The following CD84 variants were observed in gnomAD, a reference collection of about 807,000 sequenced individuals.
The protein encoded by CD84 is SLAM family member 5.
CD84 carries 22 observed loss-of-function variants against 33.8 expected under a neutral mutation model. The ratio of observed to expected loss-of-function variants is 0.65; its 90% CI spans 0.46 to 0.93. The LOEUF is 0.93. Among genes scored for constraint, CD84 ranks in the 40% least tolerant of loss-of-function variants. The pLI is 0.00. For missense variants in CD84, 400 were observed against 397.6 expected, an observed-to-expected ratio of 1.01 and a Z score of -0.05; for synonymous variants, 154 against 145.2, an observed-to-expected ratio of 1.06 and a Z score of -0.44.
chr1:160,553,266 A>T, intron 4 of CD84, 112 bp downstream of exon 4: 14 of 1,575,236 alleles, frequency 8.9e-6, no homozygotes, highest in Non-Finnish European at 1.2e-5. Flanking sequence ...AGATCGGAAA[A>T]AGGCAGATTC....
At chr1:160,577,815 T>C (rs1453505739) in intron 1 of CD84, among the ~76,000 whole-genome samples, 2 of 152,194 alleles carry the variant, frequency 1.3e-5, no homozygotes, top group Non-Finnish European at 1.5e-5. Context: ...CCTCCCCATT[T>C]TGAAGCTGAA....
intron 1 of CD84, among the ~76,000 whole-genome samples, chr1:160,566,606 C>A (rs564876741): frequency 9.6e-4 from 146 of 152,192 alleles, no homozygotes; most frequent in Non-Finnish European, 1.8e-3. Flanking sequence ...GATACAACGG[C>A]GAGAAGAAAC....
chr1:160,571,477 T>C (rs1657687352), intron 1 of CD84: 1 of 152,128 alleles, frequency 6.6e-6, no homozygotes, highest in Non-Finnish European at 1.5e-5. Flanking sequence ...TACGAGGTTA[T>C]TGATGGCCTT....
At chr1:160,575,752 A>G (rs1657960476) in intron 1 of CD84, among the ~76,000 whole-genome samples, 1 of 152,126 alleles carries the variant, frequency 6.6e-6, no homozygotes, top group African/African-American at 2.4e-5. Flanking sequence ...CAAGACAAGA[A>G]AGGTTTGATT....
intron 1 of CD84, among the ~76,000 whole-genome samples, chr1:160,573,008 T>C (rs1173940541): frequency 6.6e-6 from 1 of 152,240 alleles, no homozygotes; most frequent in African/African-American, 2.4e-5. Flanking sequence ...CCTTTCTGTG[T>C]CTAAGATGAT....
At chr1:160,573,231 C>A (rs1657802506) in intron 1 of CD84, among the ~76,000 whole-genome samples, 1 of 152,126 alleles carries the variant, frequency 6.6e-6, no homozygotes, top group Admixed American at 6.5e-5. Context: ...GCTTTTAACT[C>A]ATGAGAGGAA....
At chr1:160,564,804 T>C (rs1218120271) in intron 2 of CD84, among the ~76,000 whole-genome samples, 1 of 152,156 alleles carries the variant, frequency 6.6e-6, no homozygotes, top group Non-Finnish European at 1.5e-5. Flanking sequence ...GAGGGAATCT[T>C]GTGATGGTTA....
intron 2 of CD84, among the ~76,000 whole-genome samples, chr1:160,555,677 C>A (rs576734078): frequency 1.3e-5 from 2 of 152,238 alleles, no homozygotes; most frequent in South Asian, 2.1e-4. Flanking sequence ...AGTTCAGCGC[C>A]CTCTCAGCAA....
intron 2 of CD84, among the ~76,000 whole-genome samples, chr1:160,558,977 T>A (rs1282187614): frequency 6.6e-6 from 1 of 150,912 alleles, no homozygotes; most frequent in Non-Finnish European, 1.5e-5. Flanking sequence ...ACATATGGAG[T>A]TATGTATAGA....
chr1:160,542,339 AT>A lies in CD84; in HGVS notation c.*5916del, dbSNP rs1258696880. ...CATAGTAGGCACTGGATAAATGTTAATTATTTTGATTATGGTGGATCATTAG... is the reference window on the plus strand; with the variant it reads ...CATAGTAGGCACTGGATAAATGTTAATATTTTGATTATGGTGGATCATTAG... On this transcript the variant is annotated 3_prime_UTR_variant, in exon 7 of 7. Coordinates refer to ENST00000368054, the MANE Select transcript of CD84 (RefSeq NM_003874.4). 3 of 152,230 alleles carry A rather than the reference AT, an allele frequency of 2.0e-5. No individual in the cohort carries two copies. Among genetic ancestry groups the A allele is most frequent in the South Asian group, 2.1e-4 (1 of 4,828 alleles). 9.4% of individuals were successfully genotyped at this position (152,230 alleles called of 1,614,324 possible).
chr1:160,556,350 G>A, intron 2 of CD84, among the ~76,000 whole-genome samples: 1 of 152,226 alleles, frequency 6.6e-6, no homozygotes, highest in East Asian at 1.9e-4. Flanking sequence ...AAGGTATACA[G>A]ATTCATGGAG....
chr1:160,547,987 T>C lies in CD84; in HGVS notation c.*269A>G. On this transcript the variant is annotated 3_prime_UTR_variant, in exon 7 of 7. Coordinates refer to ENST00000368054, the MANE Select transcript of CD84 (RefSeq NM_003874.4). The stretch of plus-strand genomic sequence containing the variant: ...TAAAAATATTATTTTCTACATGTGC[T>C]ATGATGGGAAGAAGTTTGGGAAAAC... The C allele has an allele frequency of 2.0e-6, 1 of 489,406 alleles. No individual in the cohort carries two copies. Among genetic ancestry groups the C allele is most frequent in the East Asian group, 3.7e-5 (1 of 26,680 alleles). 30.3% of individuals were successfully genotyped at this position (489,406 alleles called of 1,614,324 possible).
At chr1:160,569,890 G>C (rs551888446) in intron 1 of CD84, among the ~76,000 whole-genome samples, 2 of 152,274 alleles carry the variant, frequency 1.3e-5, no homozygotes. Context: ...GTTTAGATTT[G>C]AGACAGCCTT....
chr1:160,549,062 A>G (rs1377037058), intron 6 of CD84, among the ~76,000 whole-genome samples: 2 of 151,404 alleles, frequency 1.3e-5, no homozygotes, highest in African/African-American at 2.4e-5. Flanking sequence ...TCTCCTGATC[A>G]CTAAGAAAGT....
chr1:160,544,576 T>C lies in CD84; in HGVS notation c.*3680A>G, dbSNP rs1655715364. On this transcript the variant is annotated 3_prime_UTR_variant, in exon 7 of 7. Coordinates refer to ENST00000368054, the MANE Select transcript of CD84 (RefSeq NM_003874.4). ...TCTGGAAGAAAATATAGCCCAGCCA[T>C]TCCTTCTCTCCAGGCAGGACCTAAG... 6.6e-6 allele frequency: 1 copy of C among 152,130 alleles called. No individual in the cohort carries two copies. The highest frequency in any genetic ancestry group is 3.4e-3 in the Middle Eastern group (1 of 294). The allele number at this position is 152,130 out of a possible 1,614,324, so 9.4% of individuals were successfully genotyped here.
At position 160,541,428 on chromosome 1, in the gene CD84, A is replaced by T. The variant is rs1655535248; in HGVS notation, c.*6828T>A. ...GCACTCAGACAAAAAGCAACTTATT[A>T]GCCAGTTGGAGAGAGAGCTAAGAAA... On this transcript the variant is annotated 3_prime_UTR_variant, in exon 7 of 7. Coordinates refer to ENST00000368054, the MANE Select transcript of CD84 (RefSeq NM_003874.4). 1 of 152,258 alleles carries T rather than the reference A, an allele frequency of 6.6e-6. No homozygotes were observed. The highest frequency in any genetic ancestry group is 1.5e-5 in the Non-Finnish European group (1 of 68,046). 9.4% of individuals were successfully genotyped at this position (152,258 alleles called of 1,614,324 possible).
chr1:160,543,383 G>A lies in CD84; in HGVS notation c.*4873C>T, dbSNP rs4145897. 34,323 of 152,090 alleles carry A rather than the reference G, an allele frequency of 0.23. 4,550 individuals are homozygous for A. Among genetic ancestry groups the A allele is most frequent in the Middle Eastern group, 0.37 (108 of 290 alleles). The allele number at this position is 152,090 out of a possible 1,614,324, so 9.4% of individuals were successfully genotyped here. On this transcript the variant is annotated 3_prime_UTR_variant, in exon 7 of 7. Coordinates refer to ENST00000368054, the MANE Select transcript of CD84 (RefSeq NM_003874.4). ...ACAAGTGCATGGCCCTTGGTGACAA[G>A]AAGTCTTGAATTCAAATACTGTCTT...
chr1:160,559,870 A>C (rs1283863848), intron 2 of CD84, among the ~76,000 whole-genome samples: 3 of 152,166 alleles, frequency 2.0e-5, no homozygotes, highest in Non-Finnish European at 4.4e-5. Flanking sequence ...AACAAAGATA[A>C]AAAAAGACAA....
rs1655877673 is a variant in CD84, at chr1:160,547,106, G to A, written c.*1150C>T. The A allele has an allele frequency of 2.8e-5, 11 of 398,810 alleles. No homozygotes were observed. Among genetic ancestry groups the A allele is most frequent in the Middle Eastern group, 6.2e-4 (1 of 1,610 alleles). The allele number at this position is 398,810 out of a possible 1,614,324, so 24.7% of individuals were successfully genotyped here. On this transcript the variant is annotated 3_prime_UTR_variant, in exon 7 of 7. Coordinates refer to ENST00000368054, the MANE Select transcript of CD84 (RefSeq NM_003874.4). The stretch of plus-strand genomic sequence containing the variant: ...TCCTCATTGAGGAGAGTTAATGCCT[G>A]TGTAAGCTGGCTGGTGATCTGTTTG...
Sources: gnomAD v4.1 joint callset for allele counts (sites outside exome capture counted in the v4.1 genomes callset) on GRCh38, gnomAD v4.1.1 for gene constraint, MANE v1.5 for transcripts, NCBI Gene and HGNC (gene_info 2026-07-23, HGNC 2026-07-21) for gene names.